Variants in SH3D19 observed in about 807,000 individuals in gnomAD.
SH3D19 encodes SH3 domain containing 19.
Under a neutral mutation model 112.1 loss-of-function variants are expected in SH3D19, and 58 were observed. That is an observed-to-expected ratio of 0.52 (90% confidence interval 0.42 to 0.64). The LOEUF is 0.64. SH3D19 is among the 30% of genes least tolerant of loss of function. SH3D19 has a pLI of 0.00. For synonymous variants in SH3D19, 391 were observed against 448.5 expected (o/e 0.87, Z 1.62); for missense variants, 1,090 against 1,263.4 (o/e 0.86, Z 2.08).
intron 2 of SH3D19, among the ~76,000 whole-genome samples, chr4:151,195,526 T>C (rs1420219285): frequency 6.6e-6 from 1 of 152,042 alleles, no homozygotes; most frequent in East Asian, 1.9e-4. Context: ...TAGGTGCTCA[T>C]AGGTGCTCAT....
intron 2 of SH3D19, among the ~76,000 whole-genome samples, chr4:151,223,791 C>A (rs1342013066): frequency 1.3e-5 from 2 of 152,114 alleles, no homozygotes; most frequent in African/African-American, 2.4e-5. Flanking sequence ...ATATTCTAGA[C>A]CAGTGGTCCC....
At chr4:151,267,524 AATAG>A (rs1228615573) in intron 1 of SH3D19, among the ~76,000 whole-genome samples, 1 of 152,198 alleles carries the variant, frequency 6.6e-6, no homozygotes, top group Non-Finnish European at 1.5e-5. Flanking sequence ...TTTCCTTCTG[AATAG>A]ATAAAAACAG....
chr4:151,142,379 A>T (rs6535765), intron 12 of SH3D19, among the ~76,000 whole-genome samples: 130,545 of 152,090 alleles, frequency 0.86, 56,875 homozygotes, highest in Non-Finnish European at 0.95. Context: ...TAGGTGTCAC[A>T]CCCCAGTTAC....
At chr4:151,255,722 T>C (rs1407621495) in intron 1 of SH3D19, among the ~76,000 whole-genome samples, 1 of 152,162 alleles carries the variant, frequency 6.6e-6, no homozygotes, top group Non-Finnish European at 1.5e-5. Flanking sequence ...GCCACTGCAC[T>C]CCAGCCTGGG....
intron 1 of SH3D19, chr4:151,279,797 G>A (rs1016423290): frequency 6.2e-7 from 1 of 1,613,860 alleles, no homozygotes; most frequent in Non-Finnish European, 8.5e-7. Context: ...TTTCTCTAGT[G>A]TGTGGGCAAC....
intron 1 of SH3D19, among the ~76,000 whole-genome samples, chr4:151,249,452 A>C (rs1013045953): frequency 3.3e-5 from 5 of 152,188 alleles, no homozygotes; most frequent in African/African-American, 1.2e-4. Context: ...TATTAACTCT[A>C]AATCTGTACT....
intron 1 of SH3D19, among the ~76,000 whole-genome samples, chr4:151,317,775 A>T (rs561421122): frequency 6.6e-6 from 1 of 152,180 alleles, no homozygotes; most frequent in South Asian, 2.1e-4. Flanking sequence ...GGAGTTCGAG[A>T]CCAGCCAGGC....
chr4:151,219,718 T>TA lies in SH3D19; in HGVS notation c.152+6328dup, dbSNP rs557863033. 7.9e-5 allele frequency among the ~76,000 whole-genome samples: 12 copies of TA among 152,328 alleles called. No homozygotes were observed. In the South Asian group the frequency reaches 2.5e-3, roughly 32 times the overall value. On this transcript the variant is annotated intron_variant, in intron 2 of 19. Coordinates refer to ENST00000604030, the MANE Select transcript of SH3D19 (RefSeq NM_001378122.1). Reference sequence around the variant, plus strand: ...ATGCGTAGTTTTTCTTTATCCTGGATACTAACCTTTGTCACCTACGTGCAC... The same window carrying TA: ...ATGCGTAGTTTTTCTTTATCCTGGATAACTAACCTTTGTCACCTACGTGCAC...
Position 151,128,363 on chromosome 4 carries a change from T to A in SH3D19, c.2743-7A>T. 6.2e-7 allele frequency: 1 copy of A among 1,611,666 alleles called. No individual in the cohort carries two copies. Among genetic ancestry groups the A allele is most frequent in the Non-Finnish European group, 8.5e-7 (1 of 1,178,700 alleles). ...CTGCCGGAAGACTGTTAACCTGTTA[T>A]CAAATTAGAGGTGTGGTCAGAAGTG... On this transcript the variant is annotated splice_polypyrimidine_tract_variant and splice_region_variant and intron_variant, in intron 17 of 19. Coordinates refer to ENST00000604030, the MANE Select transcript of SH3D19 (RefSeq NM_001378122.1).
At chr4:151,219,241 G>A (rs565421583) in intron 2 of SH3D19, among the ~76,000 whole-genome samples, 3 of 152,270 alleles carry the variant, frequency 2.0e-5, no homozygotes, top group Admixed American at 6.5e-5. Context: ...TCTTGGTGAT[G>A]TCTGATCACC....
chr4:151,190,328 G>A (rs1435457586), intron 2 of SH3D19, among the ~76,000 whole-genome samples: 1 of 152,220 alleles, frequency 6.6e-6, no homozygotes, highest in Non-Finnish European at 1.5e-5. Context: ...CAAAATGGCT[G>A]CAGAAACTTG....
chr4:151,167,185 A>C (rs984790795), intron 7 of SH3D19, among the ~76,000 whole-genome samples: 2 of 152,120 alleles, frequency 1.3e-5, no homozygotes, highest in African/African-American at 2.4e-5. Context: ...TCAAAAAAAA[A>C]CTACTATATT....
intron 1 of SH3D19, among the ~76,000 whole-genome samples, chr4:151,283,529 T>TA (rs1287653710): frequency 1.0e-5 from 1 of 97,578 alleles, no homozygotes; most frequent in African/African-American, 3.1e-5. Context: ...TTTTTTTTTT[T>TA]AAATTAGAGA....
At chr4:151,254,909 G>A (rs1304023683) in intron 1 of SH3D19, among the ~76,000 whole-genome samples, 7 of 150,420 alleles carry the variant, frequency 4.7e-5, no homozygotes, top group East Asian at 2.0e-4. Context: ...GGGCAGAGGC[G>A]CCCCTCACCT....
intron 3 of SH3D19, among the ~76,000 whole-genome samples, chr4:151,185,867 C>T (rs1450553157): frequency 1.3e-5 from 2 of 152,060 alleles, no homozygotes; most frequent in African/African-American, 2.4e-5. Context: ...TGGTGAAATC[C>T]CATCTCTACT....
intron 15 of SH3D19, among the ~76,000 whole-genome samples, chr4:151,134,618 CT>C (rs2149743736): frequency 6.6e-6 from 1 of 152,338 alleles, no homozygotes; most frequent in South Asian, 2.1e-4. Context: ...GAAACTATCT[CT>C]GCTCATGCTG....
chr4:151,161,850 T>C (rs1757224659), intron 8 of SH3D19, among the ~76,000 whole-genome samples: 1 of 150,954 alleles, frequency 6.6e-6, no homozygotes, highest in African/African-American at 2.4e-5. Context: ...CTGCAACGTC[T>C]GCCTCCTGGG....
intron 10 of SH3D19, among the ~76,000 whole-genome samples, chr4:151,149,028 C>T (rs1052046794): frequency 6.6e-6 from 1 of 151,788 alleles, no homozygotes; most frequent in Admixed American, 6.6e-5. Flanking sequence ...CAGAGGGAGA[C>T]TCCATCTCAA....
chr4:151,320,575 A>C (rs1730435158), intron 1 of SH3D19, among the ~76,000 whole-genome samples: 1 of 152,242 alleles, frequency 6.6e-6, no homozygotes, highest in Non-Finnish European at 1.5e-5. Flanking sequence ...CATCGAAAGA[A>C]ACCATAGAGA....
Sources: gnomAD v4.1 joint callset for allele counts (sites outside exome capture counted in the v4.1 genomes callset) on GRCh38, gnomAD v4.1.1 for gene constraint, MANE v1.5 for transcripts, NCBI Gene and HGNC (gene_info 2026-07-23, HGNC 2026-07-21) for gene names.